HORMAD1: variants seen among roughly 807,000 people sequenced by gnomAD.
The protein encoded by HORMAD1 is HORMA domain-containing protein 1.
HORMAD1 carries 33 observed loss-of-function variants against 58.2 expected under a neutral mutation model. The observed-to-expected ratio is 0.57, with a 90% CI of 0.43 to 0.76. HORMAD1 has a LOEUF of 0.76. Among genes scored for constraint, HORMAD1 ranks in the 30% least tolerant of loss-of-function variants. HORMAD1 has a pLI of 0.00. For missense variants in HORMAD1, 363 were observed against 462.0 expected, an observed-to-expected ratio of 0.79 and a Z score of 1.96; for synonymous variants, 137 against 144.6, an observed-to-expected ratio of 0.95 and a Z score of 0.38.
chr1:150,710,318 C>G (rs1411593486), intron 7 of HORMAD1, among the ~76,000 whole-genome samples: 2 of 152,124 alleles, frequency 1.3e-5, no homozygotes, highest in Non-Finnish European at 2.9e-5. Flanking sequence ...TATACTGTAA[C>G]CACAGGCAAG....
intron 1 of HORMAD1, among the ~76,000 whole-genome samples, chr1:150,720,268 C>T (rs894176705): frequency 1.3e-5 from 2 of 152,150 alleles, no homozygotes; most frequent in African/African-American, 4.8e-5. Context: ...CACGGGGTTT[C>T]ACCATGTTGG....
In HORMAD1 at chr1:150,698,408, C is replaced by A. The variant is rs1019332438; in HGVS notation, c.*246G>T. 31 of 272,026 alleles carry A rather than the reference C, an allele frequency of 1.1e-4. No individual in the cohort carries two copies. The highest frequency in any genetic ancestry group is 1.1e-3 in the Middle Eastern group (1 of 946). The allele number at this position is 272,026 out of a possible 1,614,324, so 16.9% of individuals were successfully genotyped here. A position where few individuals can be genotyped will look rare whatever the true frequency, so the allele number is the denominator to read the frequency against. On this transcript the variant is annotated 3_prime_UTR_variant, in exon 15 of 15. Transcript: ENST00000361824. ...ATATTAAGTAGGTAATGAACAAAAT[C>A]AATTTTGAAATTTTACTTATTACCG...
rs1651905490 is a variant in HORMAD1 at position 150,711,554 on chromosome 1, T to C, written c.318A>G (p.Glu106=). 1 of 1,602,524 alleles carries C rather than the reference T, an allele frequency of 6.2e-7. No individual in the cohort carries two copies. Among genetic ancestry groups the C allele is most frequent in the Admixed American group, 1.7e-5 (1 of 59,936 alleles). Reference sequence around the variant, plus strand: ...ACTCAAGCACACTTACCTGAGGATCTTCTGGGTTTGTGTATACCTATTTAA... The same window carrying C: ...ACTCAAGCACACTTACCTGAGGATCCTCTGGGTTTGTGTATACCTATTTAA... ...MVVLAVYTNP[E]DPQTISECYQ... The change falls in exon 7 of 15, where the codon GAA becomes GAG. Residue 106 remains glutamate (E), a synonymous_variant. Coordinates refer to ENST00000361824, the MANE Select transcript of HORMAD1 (RefSeq NM_032132.5).
chr1:150,717,897 G>A (rs1652134158), intron 2 of HORMAD1, among the ~76,000 whole-genome samples: 1 of 152,074 alleles, frequency 6.6e-6, no homozygotes, highest in South Asian at 2.1e-4. Context: ...TGTGAGCCAA[G>A]ATCGCACCAC....
At chr1:150,698,981 G>A (rs1233635712) in intron 14 of HORMAD1, 1 of 306,744 alleles carries the variant, frequency 3.3e-6, no homozygotes, top group Non-Finnish European at 6.0e-6. Flanking sequence ...GAAGTGAGAA[G>A]ATAGATTTAA....
intron 2 of HORMAD1, among the ~76,000 whole-genome samples, chr1:150,718,762 C>T (rs1415147): frequency 0.99 from 150,248 of 152,286 alleles, 74,152 homozygotes; most frequent in East Asian, 1. Context: ...ATAGCTGAGA[C>T]TACAGGCGTG....
chr1:150,714,577 A>C, intron 4 of HORMAD1, 38 bp downstream of exon 4: 1 of 1,188,038 alleles, frequency 8.4e-7, no homozygotes, highest in Non-Finnish European at 1.2e-6. Flanking sequence ...AAAATGAGAA[A>C]AAAATAATTT....
Position 150,717,249 on chromosome 1 carries a change from C to T in HORMAD1, c.67G>A (p.Glu23Lys), listed in dbSNP as rs1408390979. 1 of 1,582,022 alleles carries T rather than the reference C, an allele frequency of 6.3e-7. No individual in the cohort carries two copies. The highest frequency in any genetic ancestry group is 8.6e-7 in the Non-Finnish European group (1 of 1,160,836). The change falls in exon 3 of 15, where the codon GAA becomes AAA. Residue 23 changes from glutamate (E) to lysine (K), a missense_variant. This residue lies in a region of HORMAD1 where 128 missense variants were observed against 171.8 expected (regional missense o/e 0.74). Coordinates refer to ENST00000361824, the MANE Select transcript of HORMAD1 (RefSeq NM_032132.5). The part of the protein sequence containing the change: ...ALVFPNKIST[E>K]HQSLVLVKRL... ...TTCACTAACACCAAAGACTGGTGTT[C>T]AGTTGATATCTTATTGGGAAATACC...
At chr1:150,717,721 A>G (rs1336812026) in intron 2 of HORMAD1, among the ~76,000 whole-genome samples, 1 of 152,088 alleles carries the variant, frequency 6.6e-6, no homozygotes, top group East Asian at 1.9e-4. Context: ...TCACAAGGTC[A>G]GGAGTTCAAG....
intron 2 of HORMAD1, among the ~76,000 whole-genome samples, chr1:150,718,227 G>A (rs923967892): frequency 6.6e-6 from 1 of 151,758 alleles, no homozygotes; most frequent in Non-Finnish European, 1.5e-5. Flanking sequence ...CCCATCCCAC[G>A]TCCTACCCAT....
intron 13 of HORMAD1, among the ~76,000 whole-genome samples, chr1:150,701,206 G>T (rs1275066701): frequency 3.3e-5 from 5 of 152,086 alleles, no homozygotes; most frequent in Admixed American, 6.6e-5. Flanking sequence ...AGGAGATCTT[G>T]CTTAATAATT....
intron 10 of HORMAD1, 109 bp downstream of exon 10, chr1:150,706,444 G>A: frequency 1.0e-6 from 1 of 989,892 alleles, no homozygotes; most frequent in South Asian, 1.7e-5. Context: ...TTGAGTTTAT[G>A]ATTATAATAC....
chr1:150,708,111 C>A, intron 9 of HORMAD1, 145 bp downstream of exon 9: 1 of 549,534 alleles, frequency 1.8e-6, no homozygotes, highest in Non-Finnish European at 3.1e-6. Context: ...TTTTGTAAAT[C>A]TTTCTTTCTT....
In HORMAD1 at chr1:150,698,722, A is replaced by G; in HGVS notation, c.1117T>C (p.Phe373Leu). The G allele has an allele frequency of 6.3e-7, 1 of 1,592,054 alleles. No individual in the cohort carries two copies. The highest frequency in any genetic ancestry group is 8.6e-7 in the Non-Finnish European group (1 of 1,162,374). Residue 373 changes from phenylalanine (F) to leucine (L), a missense_variant, in exon 15 of 15, where the codon TTT (phenylalanine) becomes CTT (leucine). Coordinates refer to ENST00000361824, the MANE Select transcript of HORMAD1 (RefSeq NM_032132.5). ...ACTGACTCTTGACTAGAAGAATCAAAGTGATGGAGGACCTGTCAAAAGAAA... is the reference window on the plus strand; with the variant it reads ...ACTGACTCTTGACTAGAAGAATCAAGGTGATGGAGGACCTGTCAAAAGAAA... ...HESGRIVLHH[F>L]DSSSQESVPK...
intron 13 of HORMAD1, among the ~76,000 whole-genome samples, chr1:150,701,336 G>C (rs1651531061): frequency 6.6e-6 from 1 of 152,078 alleles, no homozygotes; most frequent in South Asian, 2.1e-4. Context: ...TTTATCTCTT[G>C]CTTTCATGAG....
chr1:150,707,565 T>C (rs1420062112), intron 9 of HORMAD1, among the ~76,000 whole-genome samples: 1 of 152,250 alleles, frequency 6.6e-6, no homozygotes, highest in African/African-American at 2.4e-5. Flanking sequence ...TTAAAGATAG[T>C]GTGCATTTAA....
intron 10 of HORMAD1, among the ~76,000 whole-genome samples, chr1:150,706,286 G>A (rs587715836): frequency 1.3e-4 from 20 of 152,224 alleles, no homozygotes; most frequent in Non-Finnish European, 2.4e-4. Context: ...CCACTAAGAA[G>A]GTAAGTGACA....
chr1:150,707,824 TA>T (rs1212884621), intron 9 of HORMAD1, among the ~76,000 whole-genome samples: 1 of 152,104 alleles, frequency 6.6e-6, no homozygotes, highest in African/African-American at 2.4e-5. Context: ...TAGTCCCAGT[TA>T]CTCAGGAGGC....
chr1:150,714,939 A>G (rs1010648580), intron 3 of HORMAD1, among the ~76,000 whole-genome samples: 30 of 151,978 alleles, frequency 2.0e-4, no homozygotes, highest in Non-Finnish European at 3.4e-4. Context: ...GTGCGCCACC[A>G]TGACCGGCTA....
Sources: gnomAD v4.1 joint callset for allele counts (sites outside exome capture counted in the v4.1 genomes callset) on GRCh38, gnomAD v4.1.1 for gene constraint, gnomAD v4.1.1 regional missense constraint, MANE v1.5 for transcripts, NCBI Gene and HGNC (gene_info 2026-07-23, HGNC 2026-07-21) for gene names.